HSPA12A: variants seen among roughly 807,000 people sequenced by gnomAD.
HSPA12A encodes the protein heat shock protein family A (Hsp70) member 12A.
Under a neutral mutation model 69.2 loss-of-function variants are expected in HSPA12A, and 28 were observed. The observed-to-expected ratio is 0.40, with a 90% confidence interval of 0.30 to 0.55. HSPA12A has a LOEUF of 0.55. Among genes scored for constraint, HSPA12A ranks in the 20% least tolerant of loss-of-function variants. HSPA12A has a pLI of 0.38. For missense variants in HSPA12A, 686 were observed against 900.7 expected (o/e 0.76, Z 3.05); for synonymous variants, 345 against 370.5 (o/e 0.93, Z 0.79).
chr10:116,840,908 T>C (rs1589735849), intron 1 of HSPA12A, among the ~76,000 whole-genome samples: 1 of 152,342 alleles, frequency 6.6e-6, no homozygotes, highest in Admixed American at 6.5e-5. Context: ...TTCACAACAA[T>C]CTAACAGTAG....
chr10:116,794,635 A>G (rs1359157639), intron 2 of HSPA12A, among the ~76,000 whole-genome samples: 1 of 152,208 alleles, frequency 6.6e-6, no homozygotes. Context: ...CAACATACTG[A>G]AACCCCATTT....
chr10:116,685,789 A>G (rs972529320), intron 6 of HSPA12A, among the ~76,000 whole-genome samples: 3 of 152,194 alleles, frequency 2.0e-5, no homozygotes, highest in Admixed American at 2.0e-4. Context: ...GCTAAAACTG[A>G]TACTACCAGC....
chr10:116,800,259 G>A (rs1018605128), intron 2 of HSPA12A, among the ~76,000 whole-genome samples: 2 of 152,126 alleles, frequency 1.3e-5, no homozygotes, highest in Non-Finnish European at 2.9e-5. Context: ...TTCTGTGGTG[G>A]CCCCAGCCTC....
intron 2 of HSPA12A, among the ~76,000 whole-genome samples, chr10:116,781,067 A>C (rs1431542276): frequency 6.6e-6 from 1 of 152,108 alleles, no homozygotes; most frequent in Non-Finnish European, 1.5e-5. Context: ...GAGTTCAAAA[A>C]TTTTATGTTG....
intron 1 of HSPA12A, among the ~76,000 whole-genome samples, chr10:116,707,816 G>C (rs1850305708): frequency 6.6e-6 from 1 of 152,190 alleles, no homozygotes; most frequent in Non-Finnish European, 1.5e-5. Flanking sequence ...TTGCCTAGCA[G>C]ATGCACCAGC....
chr10:116,830,984 T>A (rs1057168111), intron 2 of HSPA12A: 1 of 146,998 alleles, frequency 6.8e-6, no homozygotes, highest in Non-Finnish European at 1.5e-5. Flanking sequence ...GCAGGCTATA[T>A]CATCTAGGTT....
intron 2 of HSPA12A, chr10:116,832,750 G>C (rs555944098): frequency 6.6e-6 from 1 of 152,308 alleles, no homozygotes; most frequent in South Asian, 2.1e-4. Flanking sequence ...AACAGCGCAT[G>C]GTCTCCAACC....
upstream of HSPA12A, among the ~76,000 whole-genome samples, chr10:116,850,402 C>T (rs1184680073): frequency 6.6e-6 from 1 of 152,100 alleles, no homozygotes; most frequent in Non-Finnish European, 1.5e-5. Flanking sequence ...GAAGCCTTGT[C>T]TTCTCACCTT....
intron 1 of HSPA12A, among the ~76,000 whole-genome samples, chr10:116,718,079 ACT>A (rs1850661836): frequency 6.6e-6 from 1 of 151,896 alleles, no homozygotes; most frequent in Admixed American, 6.6e-5. Context: ...CACTGTCAAG[ACT>A]CTCTTCAGCT....
chr10:116,794,336 T>G (rs980555258), intron 2 of HSPA12A, among the ~76,000 whole-genome samples: 12 of 152,042 alleles, frequency 7.9e-5, no homozygotes, highest in Admixed American at 7.2e-4. Flanking sequence ...CAACAAAAAC[T>G]TAAGGACATA....
At chr10:116,810,240 C>T (rs1483885658) in intron 2 of HSPA12A, among the ~76,000 whole-genome samples, 2 of 152,132 alleles carry the variant, frequency 1.3e-5, no homozygotes, top group Non-Finnish European at 2.9e-5. Context: ...GCGGAGCCGG[C>T]GGGAAGCGCT....
chr10:116,836,444 TTC>T (rs1319996570), intron 1 of HSPA12A, among the ~76,000 whole-genome samples: 1 of 152,168 alleles, frequency 6.6e-6, no homozygotes, highest in African/African-American at 2.4e-5. Context: ...CCCACTCTCT[TTC>T]TCTCTTTAAT....
rs1849574587 is a variant in HSPA12A at position 116,686,311 on chromosome 10, C to T, written c.664-2349G>A. On this transcript the variant is annotated intron_variant, in intron 6 of 11. Transcript: ENST00000369209. The surrounding 1 kb of genome is among the most constrained non-coding windows in gnomAD (Gnocchi z 4.1). ...AAGAGGGGCCCCTTCCGAGGGACAG[C>T]TCCTGTGCTGATTCTTCCATCCTTG... Among the ~76,000 whole-genome samples the T allele has an allele frequency of 6.6e-6, 1 of 152,154 alleles. No individual in the cohort carries two copies. Among genetic ancestry groups the T allele is most frequent in the Non-Finnish European group, 1.5e-5 (1 of 68,028 alleles).
chr10:116,780,413 GC>G (rs1343757743), intron 2 of HSPA12A, among the ~76,000 whole-genome samples: 1 of 151,978 alleles, frequency 6.6e-6, no homozygotes, highest in African/African-American at 2.4e-5. Flanking sequence ...GTGCAGAGGT[GC>G]AGTCACCACT....
At position 116,701,466 on chromosome 10, in the gene HSPA12A, AT is replaced by A. The variant is rs548302401; in HGVS notation, c.255-338del. Reference sequence around the variant, plus strand: ...TAATTCACAATCTGCTAGGCAATGTATTTTTTATTTGCAAGCACTCAATAGC... The same window carrying A: ...TAATTCACAATCTGCTAGGCAATGTATTTTTATTTGCAAGCACTCAATAGC... On this transcript the variant is annotated intron_variant, in intron 3 of 11. Coordinates refer to ENST00000369209, the MANE Select transcript of HSPA12A (RefSeq NM_025015.3). 2.1e-4 allele frequency among the ~76,000 whole-genome samples: 32 copies of A among 152,342 alleles called. 1 individual carries two copies. In the East Asian group the frequency reaches 6.0e-3, roughly 29 times the overall value.
intron 1 of HSPA12A, among the ~76,000 whole-genome samples, chr10:116,726,592 C>T (rs182585128): frequency 2.0e-3 from 304 of 152,274 alleles, no homozygotes; most frequent in Non-Finnish European, 3.5e-3. Flanking sequence ...CCCACAGTTC[C>T]TTCTGGGGGT....
At chr10:116,787,622 A>AAG (rs202199837) in intron 2 of HSPA12A, among the ~76,000 whole-genome samples, 3,436 of 152,190 alleles carry the variant, frequency 0.023, 140 homozygotes, top group African/African-American at 0.078. Flanking sequence ...AAAACCTCTT[A>AAG]ACAATTATGG....
Position 116,672,637 on chromosome 10 carries a change from C to G in HSPA12A, c.*2144G>C, listed in dbSNP as rs1849118625. On this transcript the variant is annotated 3_prime_UTR_variant, in exon 12 of 12. Coordinates refer to ENST00000369209, the MANE Select transcript of HSPA12A (RefSeq NM_025015.3). ...TAACAAAAGTATCATCAACAAAAAT[C>G]AAGCATTTTCCTCTTTTTGAAACAA... The G allele has an allele frequency of 6.6e-6, 1 of 152,594 alleles. No individual in the cohort carries two copies. The highest frequency in any genetic ancestry group is 2.1e-4 in the South Asian group (1 of 4,826). The allele number at this position is 152,594 out of a possible 1,614,324, so 9.5% of individuals were successfully genotyped here.
chr10:116,735,827 T>C (rs766509416), intron 1 of HSPA12A, among the ~76,000 whole-genome samples: 38 of 142,458 alleles, frequency 2.7e-4, no homozygotes, highest in Admixed American at 7.6e-4. Flanking sequence ...TGAGACCTTG[T>C]CCCTATTTAA....
Sources: allele counts gnomAD v4.1 joint callset (sites outside exome capture counted in the v4.1 genomes callset), GRCh38; gene constraint gnomAD v4.1.1; non-coding constraint Gnocchi (gnomAD v3.1); transcripts MANE v1.5; gene names NCBI Gene and HGNC (gene_info 2026-07-23, HGNC 2026-07-21).